Variants in TUBB observed in about 807,000 individuals in gnomAD.
The protein encoded by TUBB is tubulin beta class I, also known as tubulin beta chain.
A neutral mutation model predicts 35.1 loss-of-function variants in TUBB; 2 were observed. The ratio of observed to expected loss-of-function variants is 0.06; its 90% CI spans 0.02 to 0.18. The LOEUF (loss-of-function observed/expected upper bound fraction) is 0.18, where lower values mean the gene tolerates loss of function less well. Among genes scored for constraint, TUBB ranks in the 10% least tolerant of loss-of-function variants. The pLI is 1.00. For missense variants in TUBB, 50 were observed against 599.4 expected, an observed-to-expected ratio of 0.08 and a Z score of 9.57; for synonymous variants, 205 against 223.8, an observed-to-expected ratio of 0.92 and a Z score of 0.75.
At chr6:30,722,872 C>A (rs752205645) in intron 2 of TUBB, 46 bp from the exon 3 acceptor site, 15 of 1,513,484 alleles carry the variant, frequency 9.9e-6, no homozygotes, top group Non-Finnish European at 1.4e-5. Context: ...ATCTATAAAC[C>A]TTCCCTTCTG....
At chr6:30,720,802 C>T (rs1045460391) in intron 1 of TUBB, among the ~76,000 whole-genome samples, 1 of 152,196 alleles carries the variant, frequency 6.6e-6, no homozygotes, top group African/African-American at 2.4e-5. Context: ...GGTTTGGGGG[C>T]GGGAAGACCG....
chr6:30,721,035 G>T (rs1292968692), intron 1 of TUBB, among the ~76,000 whole-genome samples: 1 of 152,250 alleles, frequency 6.6e-6, no homozygotes, highest in Non-Finnish European at 1.5e-5. Context: ...GATGCGCCAG[G>T]GTGGGCTGCG....
At chr6:30,720,585 T>A in intron 1 of TUBB, 22 bp downstream of exon 1, 1 of 1,601,376 alleles carries the variant, frequency 6.2e-7, no homozygotes, top group Non-Finnish European at 8.5e-7. Flanking sequence ...ACACCTCTTT[T>A]ATTTCTTTTT....
chr6:30,723,099 CA>C, intron 3 of TUBB, 71 bp downstream of exon 3: 1 of 1,278,574 alleles, frequency 7.8e-7, no homozygotes, highest in Non-Finnish European at 1.1e-6. Flanking sequence ...AAGGACACAG[CA>C]AAAGTTAGGA....
intron 1 of TUBB, chr6:30,721,529 C>T (rs1445907375): frequency 9.1e-6 from 9 of 984,632 alleles, no homozygotes; most frequent in Admixed American, 6.2e-5. Flanking sequence ...ATTTTTGTCC[C>T]TGGCCCCGCC....
At chr6:30,722,721 G>A in intron 2 of TUBB, 76 bp downstream of exon 2, 1 of 1,349,508 alleles carries the variant, frequency 7.4e-7, no homozygotes. Flanking sequence ...CCATTTCTGG[G>A]CACGCCTTAT....
chr6:30,722,766 G>A lies in TUBB; in HGVS notation c.166+121G>A, dbSNP rs25525. On this transcript the variant is annotated intron_variant, in intron 2 of 3. Coordinates refer to ENST00000327892, the MANE Select transcript of TUBB (RefSeq NM_178014.4). ...GTGAATCTGTCATTTTGTCCCTTTC[G>A]TGAACCACCGTCGGGGCCAAAGACG... 8.8e-6 allele frequency: 10 copies of A among 1,136,832 alleles called. No individual in the cohort carries two copies. The Admixed American group carries it at 9.7e-5, about 11-fold the overall frequency. 70.4% of individuals were successfully genotyped at this position (1,136,832 alleles called of 1,614,324 possible).
intron 1 of TUBB, 27 bp downstream of exon 1, chr6:30,720,590 C>T: frequency 6.3e-7 from 1 of 1,597,920 alleles, no homozygotes; most frequent in Non-Finnish European, 8.5e-7. Flanking sequence ...TCTTTTATTT[C>T]TTTTTACAAG....
rs987727750 is a variant in TUBB at position 30,725,378 on chromosome 6, G to C, written c.*981G>C. On this transcript the variant is annotated 3_prime_UTR_variant, in exon 4 of 4. Transcript: ENST00000327892. Reference sequence around the variant, plus strand: ...TTGCTGCTTTTTTTCATATTGAAAAGATGACATCGCCCCAAGAGCCAAAAA... The same window carrying C: ...TTGCTGCTTTTTTTCATATTGAAAACATGACATCGCCCCAAGAGCCAAAAA... 4.6e-5 allele frequency: 7 copies of C among 152,256 alleles called. No individual in the cohort carries two copies. The highest frequency in any genetic ancestry group is 1.7e-4 in the African/African-American group (7 of 41,424). The allele number at this position is 152,256 out of a possible 1,614,324, so 9.4% of individuals were successfully genotyped here.
intron 1 of TUBB, among the ~76,000 whole-genome samples, chr6:30,721,041 C>G (rs1381481295): frequency 2.0e-5 from 3 of 152,246 alleles, no homozygotes; most frequent in African/African-American, 7.2e-5. Context: ...CCAGGGTGGG[C>G]TGCGCTGGGC....
Position 30,720,678 on chromosome 6 carries a change from C to G in TUBB, c.57+115C>G, listed in dbSNP as rs1776158205. 1.1e-5 allele frequency: 10 copies of G among 882,482 alleles called. No homozygotes were observed. In the South Asian group the frequency reaches 1.3e-4, roughly 12 times the overall value. 54.7% of individuals were successfully genotyped at this position (882,482 alleles called of 1,614,324 possible). On this transcript the variant is annotated intron_variant, in intron 1 of 3. Transcript: ENST00000327892. ...ATCCTTAATCAAGATTTGCCCCTCTCAAGTTTGTTACATTTATATATATAA... is the reference window on the plus strand; with the variant it reads ...ATCCTTAATCAAGATTTGCCCCTCTGAAGTTTGTTACATTTATATATATAA...
chr6:30,723,494 C>T lies in TUBB; in HGVS notation c.432C>T (p.Gly144=). ...QLTHSLGGGT[G]SGMGTLLISK... is the part of the protein sequence containing the mutation. ...CCCACTCACTGGGCGGGGGCACAGG[C>T]TCTGGAATGGGCACTCTCCTTATCA... The change falls in exon 4 of 4, where the codon GGC becomes GGT. Residue 144 remains glycine (G), a synonymous_variant. Coordinates refer to ENST00000327892, the MANE Select transcript of TUBB (RefSeq NM_178014.4). 1 of 1,614,214 alleles carries T rather than the reference C, an allele frequency of 6.2e-7. No homozygotes were observed. Among genetic ancestry groups the T allele is most frequent in the Non-Finnish European group, 8.5e-7 (1 of 1,180,032 alleles).
chr6:30,722,651 G>C lies in TUBB; in HGVS notation c.166+6G>C. ...GTACTACAATGAAGCCACAGGTAAGGGCAGGAGCCCGGGCAGCTCAGGTTC... is the reference window on the plus strand; with the variant it reads ...GTACTACAATGAAGCCACAGGTAAGCGCAGGAGCCCGGGCAGCTCAGGTTC... On this transcript the variant is annotated splice_donor_region_variant and intron_variant, in intron 2 of 3. Transcript: ENST00000327892. 1 of 1,612,060 alleles carries C rather than the reference G, an allele frequency of 6.2e-7. No individual in the cohort carries two copies. The highest frequency in any genetic ancestry group is 1.3e-5 in the African/African-American group (1 of 74,916).
intron 1 of TUBB, chr6:30,722,335 C>T (rs1163684256): frequency 3.6e-6 from 2 of 562,476 alleles, no homozygotes; most frequent in Non-Finnish European, 6.4e-6. Flanking sequence ...CCCAGCTACT[C>T]CGGGGGCTGA....
In TUBB at chr6:30,725,293, C is replaced by T. The variant is rs1460167282; in HGVS notation, c.*896C>T. On this transcript the variant is annotated 3_prime_UTR_variant, in exon 4 of 4. Transcript: ENST00000327892. ...CATTTCTTCCTTTTGCTGTTGCTTC[C>T]CCCCTCACACACTTGGTTTTGTTCT... 1.9e-5 allele frequency: 3 copies of T among 156,644 alleles called. No individual in the cohort carries two copies. Among genetic ancestry groups the T allele is most frequent in the Non-Finnish European group, 4.2e-5 (3 of 71,484 alleles). The allele number at this position is 156,644 out of a possible 1,614,324, so 9.7% of individuals were successfully genotyped here.
chr6:30,721,937 A>T, intron 1 of TUBB: 1 of 973,640 alleles, frequency 1.0e-6, no homozygotes, highest in African/African-American at 1.8e-5. Flanking sequence ...GGGGTTCGAG[A>T]CCATCCTGGG....
Position 30,722,730 on chromosome 6 carries a change from AT to A in TUBB, c.166+86del, listed in dbSNP as rs370015545. The A allele has an allele frequency of 1.7e-5, 22 of 1,297,866 alleles. 1 individual carries two copies. In the African/African-American group the frequency reaches 1.8e-4, roughly 10 times the overall value. 80.4% of individuals were successfully genotyped at this position (1,297,866 alleles called of 1,614,324 possible). A position where few individuals can be genotyped will look rare whatever the true frequency, so the allele number is the denominator to read the frequency against. On this transcript the variant is annotated intron_variant, in intron 2 of 3. Transcript: ENST00000327892. Reference sequence around the variant, plus strand: ...CTCTTTCCATTTCTGGGCACGCCTTATCCCCTTTGGGTGAATCTGTCATTTT... The same window carrying A: ...CTCTTTCCATTTCTGGGCACGCCTTACCCCTTTGGGTGAATCTGTCATTTT...
intron 1 of TUBB, chr6:30,722,013 C>A (rs926348467): frequency 1.8e-6 from 1 of 552,562 alleles, no homozygotes; most frequent in African/African-American, 2.0e-5. Context: ...ATTAGCTGGG[C>A]GTGGTGGCGC....
intron 1 of TUBB, among the ~76,000 whole-genome samples, 180 bp downstream of exon 1, chr6:30,720,743 A>G (rs1011356434): frequency 2.6e-5 from 4 of 152,184 alleles, no homozygotes; most frequent in Non-Finnish European, 4.4e-5. Context: ...GCTGGGAATC[A>G]TTTTTCTTGG....
Sources: allele counts gnomAD v4.1 joint callset (sites outside exome capture counted in the v4.1 genomes callset), GRCh38; gene constraint gnomAD v4.1.1; transcripts MANE v1.5; gene names NCBI Gene and HGNC (gene_info 2026-07-23, HGNC 2026-07-21).